PFKL: variants seen among roughly 807,000 people sequenced by gnomAD.
PFKL encodes phosphofructokinase, liver type.
A neutral mutation model predicts 92.1 loss-of-function variants in PFKL; 74 were observed. That is an observed-to-expected ratio of 0.80 (90% CI 0.67 to 0.97). PFKL has a LOEUF of 0.97. Among genes scored for constraint, PFKL ranks in the 50% least tolerant of loss-of-function variants. PFKL has a pLI of 0.00. For synonymous variants in PFKL, 494 were observed against 456.4 expected, an observed-to-expected ratio of 1.08 and a Z score of -1.05; for missense variants, 1,028 against 1,116.6, an observed-to-expected ratio of 0.92 and a Z score of 1.13.
At chr21:44,305,296 C>T (rs1301480826) in intron 1 of PFKL, 5 of 1,361,234 alleles carry the variant, frequency 3.7e-6, no homozygotes, top group Non-Finnish European at 3.9e-6. Flanking sequence ...TGCTGCTGAG[C>T]CCCACGCCAA....
Position 44,313,656 on chromosome 21 carries a change from G to T in PFKL, c.612G>T (p.Val204=), listed in dbSNP as rs2047119103. Residue 204 remains valine (V), a synonymous_variant, in exon 6 of 22, where the codon GTG becomes GTT. Transcript: ENST00000349048. ...TTAQSHQRTF[V]LEVMGRHCGY... ...TCCACAGCCACCAGAGGACCTTCGT[G>T]CTGGAAGTGATGGGCCGGCACTGCG... 6.2e-7 allele frequency: 1 copy of T among 1,612,256 alleles called. No homozygotes were observed. Among genetic ancestry groups the T allele is most frequent in the Non-Finnish European group, 8.5e-7 (1 of 1,179,668 alleles).
chr21:44,322,939 T>C (rs11088947), intron 14 of PFKL, 23 bp from the exon 15 acceptor site: 629,422 of 1,572,792 alleles, frequency 0.4, 129,728 homozygotes, highest in Non-Finnish European at 0.43. Context: ...TGCGTGTTCA[T>C]GCGGATGTGT....
chr21:44,317,200 C>T (rs1242237724), intron 9 of PFKL, among the ~76,000 whole-genome samples: 1 of 152,234 alleles, frequency 6.6e-6, no homozygotes, highest in Non-Finnish European at 1.5e-5. Flanking sequence ...TGAGGGTGGT[C>T]ACCCTCTCAG....
At position 44,313,734 on chromosome 21, in the gene PFKL, G is replaced by A. The variant is rs554744932; in HGVS notation, c.638+52G>A. 227 of 1,544,862 alleles carry A rather than the reference G, an allele frequency of 1.5e-4. 1 individual carries two copies. Among genetic ancestry groups the A allele is most frequent in the South Asian group, 9.9e-4 (86 of 86,518 alleles). On this transcript the variant is annotated intron_variant, in intron 6 of 21. Coordinates refer to ENST00000349048, the MANE Select transcript of PFKL (RefSeq NM_002626.6). ...GGTGGCCCGGGTGCTGCTGGGGACC[G>A]CAGTGACAGGTGTGGCATATTTATT...
At chr21:44,325,779 G>GAGCTGGAGAGAGC in intron 19 of PFKL, 182 bp from the exon 20 acceptor site, 2 of 593,928 alleles carry the variant, frequency 3.4e-6, no homozygotes, top group East Asian at 5.6e-5. Context: ...CCTGGACTTG[G>GAGCTGGAGAGAGC]AGCTGGAGAG....
At chr21:44,300,290 G>C (rs1165198683) in intron 1 of PFKL, 100 bp downstream of exon 1, 1 of 431,166 alleles carries the variant, frequency 2.3e-6, no homozygotes, top group Non-Finnish European at 3.2e-6. Flanking sequence ...CCGGGTCTCG[G>C]GCCGGCCCGG....
intron 2 of PFKL, among the ~76,000 whole-genome samples, chr21:44,310,694 C>T (rs1408189060): frequency 6.6e-6 from 1 of 152,138 alleles, no homozygotes; most frequent in Non-Finnish European, 1.5e-5. Flanking sequence ...TCCGCTGGGG[C>T]CTTCGGGACG....
rs1036285674 is a variant in PFKL at position 44,325,265 on chromosome 21, G to T, written c.1989+1G>T. 1.3e-6 allele frequency: 2 copies of T among 1,584,870 alleles called. No individual in the cohort carries two copies. Among genetic ancestry groups the T allele is most frequent in the Admixed American group, 3.3e-5 (2 of 59,996 alleles). The stretch of plus-strand genomic sequence containing the variant: ...CAATGTCCTGGGCCACCTGCAGCAG[G>T]TGTGGGGCAGGGGTGAGGCTCTGAG... On this transcript the variant is annotated splice_donor_variant, in intron 19 of 21. Transcript: ENST00000349048. LOFTEE classifies it high-confidence loss of function.
At chr21:44,304,030 C>T (rs906036525) in intron 1 of PFKL, among the ~76,000 whole-genome samples, 4 of 56,934 alleles carry the variant, frequency 7.0e-5, no homozygotes, top group African/African-American at 2.1e-4. Flanking sequence ...CAGCCAGTCC[C>T]GTTCTAAAAT....
At chr21:44,311,385 GACAC>G (rs901077093) in intron 3 of PFKL, among the ~76,000 whole-genome samples, 46 of 151,850 alleles carry the variant, frequency 3.0e-4, no homozygotes, top group East Asian at 1.5e-3. Flanking sequence ...CGCGCACACA[GACAC>G]ACACAGATGC....
intron 2 of PFKL, among the ~76,000 whole-genome samples, chr21:44,310,754 C>A (rs896469225): frequency 6.6e-6 from 1 of 151,736 alleles, no homozygotes; most frequent in Non-Finnish European, 1.5e-5. Flanking sequence ...TCAGACAGGC[C>A]CCTGCACCAA....
intron 1 of PFKL, chr21:44,304,603 C>A: frequency 2.1e-6 from 2 of 939,196 alleles, no homozygotes; most frequent in Non-Finnish European, 2.6e-6. Flanking sequence ...ACTCACAGCA[C>A]CACCTTGGAC....
At chr21:44,320,362 C>G in intron 12 of PFKL, 1 of 504,304 alleles carries the variant, frequency 2.0e-6, no homozygotes, top group South Asian at 2.5e-5. Flanking sequence ...GCAGGGCTGG[C>G]TGTTGCTTCT....
At chr21:44,302,436 T>A (rs1271198406) in intron 1 of PFKL, among the ~76,000 whole-genome samples, 1 of 152,056 alleles carries the variant, frequency 6.6e-6, no homozygotes, top group African/African-American at 2.4e-5. Flanking sequence ...GTTTCATGAG[T>A]TCGGAAAAGC....
intron 18 of PFKL, 27 bp from the exon 19 acceptor site, chr21:44,325,126 C>A (rs117228531): frequency 4.0e-6 from 6 of 1,499,546 alleles, no homozygotes; most frequent in Non-Finnish European, 5.6e-6. Flanking sequence ...TCGTTCCCGC[C>A]GACTCAGGCC....
At chr21:44,325,424 C>G (rs1041830417) in intron 19 of PFKL, 160 bp downstream of exon 19, 23 of 610,156 alleles carry the variant, frequency 3.8e-5, no homozygotes, top group African/African-American at 3.5e-4. Context: ...AGGCCTGTAT[C>G]TAGGTGAGGT....
chr21:44,310,799 C>T (rs2276249), intron 2 of PFKL, among the ~76,000 whole-genome samples: 21,613 of 151,966 alleles, frequency 0.14, 1,701 homozygotes, highest in East Asian at 0.37. Flanking sequence ...CCGGGACACA[C>T]GGACTCACCA....
At chr21:44,310,545 G>T (rs962895281) in intron 2 of PFKL, among the ~76,000 whole-genome samples, 1 of 152,310 alleles carries the variant, frequency 6.6e-6, no homozygotes, top group East Asian at 1.9e-4. Flanking sequence ...AGCACGCGCC[G>T]CACACCCCGC....
chr21:44,316,053 C>T (rs2776382), intron 7 of PFKL, 191 bp from the exon 8 acceptor site: 13 of 601,230 alleles, frequency 2.2e-5, no homozygotes, highest in South Asian at 1.6e-4. Flanking sequence ...GAGGGCGGGG[C>T]GTCCTAGTGG....
Sources: gnomAD v4.1 joint callset for allele counts (sites outside exome capture counted in the v4.1 genomes callset) on GRCh38, gnomAD v4.1.1 for gene constraint, MANE v1.5 for transcripts, NCBI Gene and HGNC (gene_info 2026-07-23, HGNC 2026-07-21) for gene names.